Variants in TMEM178A observed in about 807,000 individuals in gnomAD.
TMEM178A encodes transmembrane protein 178.
Under a neutral mutation model 29.1 loss-of-function variants are expected in TMEM178A, and 12 were observed. The observed-to-expected ratio is 0.41, with a 90% CI of 0.26 to 0.67. TMEM178A has a LOEUF of 0.67. Among genes scored for constraint, TMEM178A ranks in the 30% least tolerant of loss-of-function variants. TMEM178A has a pLI of 0.29. For synonymous variants in TMEM178A, 210 were observed against 187.2 expected (o/e 1.12, Z -0.99); for missense variants, 366 against 419.1 (o/e 0.87, Z 1.11).
intron 1 of TMEM178A, among the ~76,000 whole-genome samples, chr2:39,696,831 A>G (rs1572676399): frequency 6.6e-6 from 1 of 152,172 alleles, no homozygotes; most frequent in Non-Finnish European, 1.5e-5. Context: ...ATCTTATTCT[A>G]TGGTTTATAT....
At chr2:39,709,178 G>C (rs752549830) in intron 3 of TMEM178A, among the ~76,000 whole-genome samples, 1 of 152,188 alleles carries the variant, frequency 6.6e-6, no homozygotes, top group Admixed American at 6.5e-5. Context: ...TGACGGGTAG[G>C]GGGTACTTTG....
intron 1 of TMEM178A, among the ~76,000 whole-genome samples, chr2:39,692,318 T>C (rs141251581): frequency 1.5e-4 from 23 of 152,324 alleles, no homozygotes; most frequent in Non-Finnish European, 3.1e-4. Context: ...ACAACTTAAG[T>C]GTTCTCACTA....
At chr2:39,720,520 A>G (rs1410499113), downstream of TMEM178A, among the ~76,000 whole-genome samples, 1 of 152,112 alleles carries the variant, frequency 6.6e-6, no homozygotes, top group African/African-American at 2.4e-5. Context: ...CTTCTACACA[A>G]CACTCCCGGA....
chr2:39,730,553 T>C, the TMEM178A span, among the ~76,000 whole-genome samples: 1 of 152,140 alleles, frequency 6.6e-6, no homozygotes, highest in South Asian at 2.1e-4. Flanking sequence ...TAGTGAAAGC[T>C]CCTTTCTCAT....
rs1365756298 is a variant in TMEM178A at position 39,666,249 on chromosome 2, C to T, written c.275C>T (p.Ser92Leu). ...PGRADPESWRSLLGLGGLDAE... is the reference protein window; with the variant it reads ...PGRADPESWRLLLGLGGLDAE... ...CGCGCCGACCCCGAGTCCTGGCGCT[C>T]GCTCCTGGGGCTCGGCGGGCTGGAC... Residue 92 changes from serine (S) to leucine (L), a missense_variant, in exon 1 of 4, where the codon TCG (serine) becomes TTG (leucine). Coordinates refer to ENST00000281961, the MANE Select transcript of TMEM178A (RefSeq NM_152390.3). 7 of 1,360,766 alleles carry T rather than the reference C, an allele frequency of 5.1e-6. No homozygotes were observed. In the South Asian group the frequency reaches 1.1e-4, roughly 21 times the overall value. 84.3% of individuals were successfully genotyped at this position (1,360,766 alleles called of 1,614,324 possible).
At chr2:39,712,077 G>GTGTT (rs61358237) in intron 3 of TMEM178A, among the ~76,000 whole-genome samples, 1 of 150,926 alleles carries the variant, frequency 6.6e-6, no homozygotes, top group Admixed American at 6.6e-5. Flanking sequence ...GTGTGTGTGT[G>GTGTT]TAAGAGTTTC....
intron 3 of TMEM178A, among the ~76,000 whole-genome samples, chr2:39,713,464 A>C (rs6753149): frequency 6.6e-6 from 1 of 152,184 alleles, no homozygotes; most frequent in South Asian, 2.1e-4. Flanking sequence ...AGTATTTGGA[A>C]ATAGGGTCTT....
At chr2:39,733,256 G>A in the TMEM178A span, among the ~76,000 whole-genome samples, 3 of 152,144 alleles carry the variant, frequency 2.0e-5, no homozygotes, top group African/African-American at 7.2e-5. Context: ...TTCTGTAATA[G>A]GCATTAAATC....
chr2:39,666,398 T>A (rs1670160212), intron 1 of TMEM178A, 24 bp downstream of exon 1: 1 of 1,318,148 alleles, frequency 7.6e-7, no homozygotes, highest in African/African-American at 1.5e-5. Flanking sequence ...GCACCCCGCG[T>A]CCCCGGCGCC....
At chr2:39,721,900 A>T (rs1572704274), downstream of TMEM178A, among the ~76,000 whole-genome samples, 1 of 140,142 alleles carries the variant, frequency 7.1e-6, no homozygotes, top group South Asian at 2.4e-4. Context: ...CTGGGGCAGG[A>T]GGATTGCTTG....
intron 3 of TMEM178A, among the ~76,000 whole-genome samples, chr2:39,712,969 C>T (rs190302722): frequency 6.3e-4 from 96 of 152,236 alleles, no homozygotes; most frequent in African/African-American, 1.9e-3. Context: ...TGTGATGAAC[C>T]GACTCTTAAG....
intron 1 of TMEM178A, among the ~76,000 whole-genome samples, 157 bp from the exon 2 acceptor site, chr2:39,703,924 A>G (rs569480461): frequency 6.6e-6 from 1 of 152,232 alleles, no homozygotes; most frequent in Non-Finnish European, 1.5e-5. Context: ...CTGATTTTAA[A>G]CATTATTTTA....
chr2:39,685,346 T>C (rs750909908), intron 1 of TMEM178A, among the ~76,000 whole-genome samples: 2 of 152,230 alleles, frequency 1.3e-5, no homozygotes, highest in Non-Finnish European at 2.9e-5. Flanking sequence ...CCTGGGGATG[T>C]CAGCCCTCTT....
chr2:39,671,684 A>T (rs1181952873), intron 1 of TMEM178A, among the ~76,000 whole-genome samples: 1 of 152,190 alleles, frequency 6.6e-6, no homozygotes, highest in Non-Finnish European at 1.5e-5. Flanking sequence ...AAACAGACAA[A>T]AGCAAATTTC....
At chr2:39,668,798 C>T (rs1372860438) in intron 1 of TMEM178A, among the ~76,000 whole-genome samples, 4 of 152,178 alleles carry the variant, frequency 2.6e-5, no homozygotes, top group Admixed American at 6.5e-5. Context: ...GTTTCATCAT[C>T]TGTGAAATGT....
chr2:39,672,814 G>A (rs575941070), intron 1 of TMEM178A, among the ~76,000 whole-genome samples: 2 of 152,306 alleles, frequency 1.3e-5, no homozygotes, highest in Admixed American at 6.5e-5. Flanking sequence ...TGGGATTACA[G>A]GTGTGAGCCA....
chr2:39,691,888 C>T (rs774048377), intron 1 of TMEM178A, among the ~76,000 whole-genome samples: 12 of 151,498 alleles, frequency 7.9e-5, no homozygotes, highest in Non-Finnish European at 1.5e-4. Flanking sequence ...AAAGCATACA[C>T]ACATATATAA....
chr2:39,708,279 G>T (rs566632466), intron 3 of TMEM178A, among the ~76,000 whole-genome samples: 47 of 152,114 alleles, frequency 3.1e-4, no homozygotes, highest in Non-Finnish European at 5.0e-4. Flanking sequence ...GGACAGGATA[G>T]TATCACATGA....
intron 1 of TMEM178A, among the ~76,000 whole-genome samples, chr2:39,675,280 A>G (rs1670570045): frequency 6.6e-6 from 1 of 152,122 alleles, no homozygotes; most frequent in African/African-American, 2.4e-5. Flanking sequence ...CCCCAAAGTC[A>G]TCTCTAGGCA....
Sources: gnomAD v4.1 joint callset for allele counts (sites outside exome capture counted in the v4.1 genomes callset) on GRCh38, gnomAD v4.1.1 for gene constraint, MANE v1.5 for transcripts, NCBI Gene and HGNC (gene_info 2026-07-23, HGNC 2026-07-21) for gene names.